KDM6A: variants seen among roughly 807,000 people sequenced by gnomAD.
KDM6A encodes the protein lysine demethylase 6A, also known as lysine-specific demethylase 6A.
In KDM6A, 11 loss-of-function variants were observed where a neutral mutation model predicts 117.6. That is an observed-to-expected ratio of 0.09 (90% CI 0.06 to 0.15). The LOEUF is 0.15. KDM6A is among the 10% of genes least tolerant of loss of function. The probability of loss-of-function intolerance (pLI) is 1.00; values close to 1 mark genes in which losing one functional copy is unlikely to be tolerated. For synonymous variants in KDM6A, 384 were observed against 396.1 expected (o/e 0.97, Z 0.36); for missense variants, 799 against 1,077.3 (o/e 0.74, Z 3.62).
intron 25 of KDM6A, among the ~76,000 whole-genome samples, chrX:45,086,470 A>C (rs979620015): frequency 5.4e-5 from 6 of 111,169 alleles, no homozygotes; most frequent in African/African-American, 2.0e-4. Flanking sequence ...TTTATTTTTT[A>C]TTTTTAAATA....
Position 44,970,616 on chromosome X carries a change from A to G in KDM6A, c.335-4050A>G, listed in dbSNP as rs190802837. 1.5e-3 allele frequency among the ~76,000 whole-genome samples: 166 copies of G among 111,854 alleles called. 1 individual carries two copies. Among genetic ancestry groups the G allele is most frequent in the Admixed American group, 4.7e-3 (50 of 10,550 alleles). ...TCCAAATTTGTGGAAATTCTGTAAT[A>G]TCATTACAAGGGCAATCTCCAGGTT... On this transcript the variant is annotated intron_variant, in intron 3 of 29. Transcript: ENST00000611820.
chrX:44,969,440 T>C (rs6520990), intron 3 of KDM6A, among the ~76,000 whole-genome samples: 16,337 of 78,079 alleles, frequency 0.21, 3,506 homozygotes, highest in African/African-American at 0.61. Context: ...TTTTTTGAGA[T>C]GGAGTCTTGC....
At chrX:44,927,350 A>G (rs1249616540) in intron 2 of KDM6A, among the ~76,000 whole-genome samples, 2 of 110,978 alleles carry the variant, frequency 1.8e-5, no homozygotes, top group East Asian at 5.7e-4. Flanking sequence ...AGGGAAAACT[A>G]TATATAAAAC....
At chrX:44,903,795 CTT>C (rs1259197192) in intron 2 of KDM6A, among the ~76,000 whole-genome samples, 1 of 111,400 alleles carries the variant, frequency 9.0e-6, no homozygotes, top group Non-Finnish European at 1.9e-5. Flanking sequence ...TATAATTTCT[CTT>C]TGTTGATATT....
At chrX:45,098,363 C>T (rs2046197527) in intron 27 of KDM6A, among the ~76,000 whole-genome samples, 1 of 112,602 alleles carries the variant, frequency 8.9e-6, no homozygotes, top group Non-Finnish European at 1.9e-5. Context: ...TGCTCCAGTT[C>T]AGACAAAAGG....
chrX:44,953,709 G>C (rs2038153339), intron 2 of KDM6A, among the ~76,000 whole-genome samples: 1 of 111,569 alleles, frequency 9.0e-6, no homozygotes, highest in Admixed American at 9.6e-5. Context: ...GTGATAAATA[G>C]ACTTTCAAAA....
chrX:45,035,688 T>TATA, intron 7 of KDM6A, among the ~76,000 whole-genome samples: 1 of 109,374 alleles, frequency 9.1e-6, no homozygotes, highest in Admixed American at 9.8e-5. Flanking sequence ...AAAAATAAAT[T>TATA]ATTATTATTA....
intron 2 of KDM6A, among the ~76,000 whole-genome samples, chrX:44,928,692 T>A (rs1042426584): frequency 1.5e-4 from 17 of 111,299 alleles, no homozygotes; most frequent in Non-Finnish European, 3.0e-4. Flanking sequence ...TTGTTTCACA[T>A]TATAGCTTTC....
intron 2 of KDM6A, among the ~76,000 whole-genome samples, chrX:44,933,887 T>C (rs1035036301): frequency 1.8e-4 from 20 of 112,448 alleles, no homozygotes; most frequent in African/African-American, 6.1e-4. Context: ...CTTTGCTTTC[T>C]ATTATAAAGG....
chrX:44,953,295 C>T (rs2038129350), intron 2 of KDM6A, among the ~76,000 whole-genome samples: 1 of 111,123 alleles, frequency 9.0e-6, no homozygotes, highest in South Asian at 3.8e-4. Flanking sequence ...CCCAAGTAGG[C>T]AGAGGAGGGG....
chrX:45,012,451 C>T (rs2041810938), intron 5 of KDM6A, among the ~76,000 whole-genome samples: 3 of 110,362 alleles, frequency 2.7e-5, no homozygotes, highest in African/African-American at 6.6e-5. Flanking sequence ...GATCCGCCCA[C>T]CTCAGCCTCC....
At chrX:45,086,018 G>A (rs760106244) in intron 25 of KDM6A, 39 bp downstream of exon 25, 2 of 846,810 alleles carry the variant, frequency 2.4e-6, no homozygotes, top group South Asian at 2.0e-5. Context: ...ACATATATTA[G>A]AAAGCAGTAA....
At chrX:45,090,156 G>T (rs2045830779) in intron 26 of KDM6A, among the ~76,000 whole-genome samples, 1 of 110,913 alleles carries the variant, frequency 9.0e-6, no homozygotes, top group Admixed American at 9.5e-5. Context: ...ATACATGAAG[G>T]TTATAATAAT....
At chrX:45,015,189 C>T (rs1163122213) in intron 5 of KDM6A, among the ~76,000 whole-genome samples, 1 of 110,165 alleles carries the variant, frequency 9.1e-6, no homozygotes, top group Non-Finnish European at 1.9e-5. Context: ...GAAGTCTCAA[C>T]CTCCCGGGGC....
chrX:44,933,247 A>G, intron 2 of KDM6A, among the ~76,000 whole-genome samples: 1 of 84,110 alleles, frequency 1.2e-5, no homozygotes, highest in Admixed American at 1.4e-4. Flanking sequence ...CTCTTCCCTC[A>G]CAGTTTATGT....
At chrX:45,024,388 G>C (rs1057211854) in intron 6 of KDM6A, among the ~76,000 whole-genome samples, 8 of 111,802 alleles carry the variant, frequency 7.2e-5, no homozygotes, top group African/African-American at 2.3e-4. Context: ...CTGATCATTA[G>C]GGCTGTTGAG....
chrX:44,955,205 T>C (rs1263887568), intron 2 of KDM6A, among the ~76,000 whole-genome samples: 3 of 111,697 alleles, frequency 2.7e-5, no homozygotes, highest in Non-Finnish European at 5.6e-5. Context: ...AAACAGAAGT[T>C]TATAGTGCAC....
At chrX:44,991,363 T>C (rs145584324) in intron 4 of KDM6A, among the ~76,000 whole-genome samples, 4,075 of 109,812 alleles carry the variant, frequency 0.037, 209 homozygotes, top group African/African-American at 0.13. Context: ...TTCTCTCTTT[T>C]TCTCACCTAA....
At chrX:45,089,258 TTA>T (rs1408129317) in intron 25 of KDM6A, among the ~76,000 whole-genome samples, 1 of 111,715 alleles carries the variant, frequency 9.0e-6, no homozygotes, top group Non-Finnish European at 1.9e-5. Context: ...ACTACAGGTA[TTA>T]TAATTCCTGT....
Sources: gnomAD v4.1 joint callset for allele counts (sites outside exome capture counted in the v4.1 genomes callset) on GRCh38, gnomAD v4.1.1 for gene constraint, MANE v1.5 for transcripts, NCBI Gene and HGNC (gene_info 2026-07-23, HGNC 2026-07-21) for gene names.